LOC400499: variants seen among roughly 807,000 people sequenced by gnomAD.
chr16:11,459,737 G>C, the LOC400499 span, among the ~76,000 whole-genome samples: 4 of 152,244 alleles, frequency 2.6e-5, no homozygotes, highest in Non-Finnish European at 5.9e-5. Flanking sequence ...GGGACATGGG[G>C]TCATGGGGCT....
the LOC400499 span, among the ~76,000 whole-genome samples, chr16:11,507,117 T>C: frequency 6.6e-6 from 1 of 152,116 alleles, no homozygotes; most frequent in South Asian, 2.1e-4. Context: ...CCAGGGGAAA[T>C]GTCCAGTTAG....
At chr16:11,438,403 T>C in the LOC400499 span, among the ~76,000 whole-genome samples, 1 of 151,940 alleles carries the variant, frequency 6.6e-6, no homozygotes, top group African/African-American at 2.4e-5. Context: ...GTTCCCTCCA[T>C]TCAGAGCCAT....
the LOC400499 span, chr16:11,501,958 G>A: frequency 4.8e-5 from 19 of 395,336 alleles, no homozygotes; most frequent in South Asian, 2.8e-4. Flanking sequence ...TCAAGGGGAC[G>A]GGATGACGCA....
the LOC400499 span, among the ~76,000 whole-genome samples, chr16:11,379,855 C>T: frequency 1.3e-5 from 2 of 152,222 alleles, no homozygotes; most frequent in Non-Finnish European, 2.9e-5. Flanking sequence ...TTACACGAAA[C>T]ATCCTGAAGT....
chr16:11,502,597 T>A, the LOC400499 span, among the ~76,000 whole-genome samples: 35 of 152,090 alleles, frequency 2.3e-4, no homozygotes, highest in Non-Finnish European at 2.9e-5. Flanking sequence ...GGCAATCTTT[T>A]CCTACATAAT....
At chr16:11,500,781 C>A in the LOC400499 span, 1 of 399,126 alleles carries the variant, frequency 2.5e-6, no homozygotes, top group Non-Finnish European at 4.4e-6. Context: ...CACCGGGGCC[C>A]CGGGTGGGGT....
chr16:11,399,164 C>T, the LOC400499 span: 39 of 972,548 alleles, frequency 4.0e-5, no homozygotes, highest in South Asian at 9.5e-5. Flanking sequence ...CTCGGGGAAC[C>T]GGAGCTCCCG....
the LOC400499 span, among the ~76,000 whole-genome samples, chr16:11,457,653 G>GGT: frequency 6.6e-6 from 1 of 151,170 alleles, no homozygotes; most frequent in East Asian, 1.9e-4. Flanking sequence ...AACACTTCCA[G>GGT]GTATACATAC....
the LOC400499 span, chr16:11,387,099 G>A: frequency 1.6e-6 from 2 of 1,232,366 alleles, no homozygotes; most frequent in Non-Finnish European, 2.0e-6. Context: ...CACAGCCCGG[G>A]GCAGGACTCA....
the LOC400499 span, among the ~76,000 whole-genome samples, chr16:11,463,665 G>A: frequency 1.3e-5 from 2 of 152,126 alleles, no homozygotes; most frequent in African/African-American, 4.8e-5. Flanking sequence ...ATATGGATGT[G>A]TATGGATGTG....
chr16:11,471,703 G>T, the LOC400499 span: 1 of 399,150 alleles, frequency 2.5e-6, no homozygotes, highest in Non-Finnish European at 4.4e-6. Context: ...TCGGAGCCCC[G>T]GGTCCCGTTT....
the LOC400499 span, among the ~76,000 whole-genome samples, chr16:11,397,145 A>T: frequency 6.6e-6 from 1 of 152,180 alleles, no homozygotes; most frequent in Non-Finnish European, 1.5e-5. Context: ...TGTCTTTCAC[A>T]TCCACTCCCT....
chr16:11,453,549 C>T, the LOC400499 span, among the ~76,000 whole-genome samples: 1 of 151,914 alleles, frequency 6.6e-6, no homozygotes, highest in Non-Finnish European at 1.5e-5. Flanking sequence ...GGAACAACAA[C>T]AACAAAAAAG....
the LOC400499 span, among the ~76,000 whole-genome samples, chr16:11,496,999 T>G: frequency 6.6e-6 from 1 of 151,938 alleles, no homozygotes; most frequent in Non-Finnish European, 1.5e-5. Context: ...TGGGAAAGCC[T>G]GCCTCAGTGT....
At chr16:11,476,977 C>T in the LOC400499 span, 3 of 399,304 alleles carry the variant, frequency 7.5e-6, no homozygotes, top group Non-Finnish European at 8.8e-6. Context: ...AGCTGCATCC[C>T]GAGGGCCCTG....
chr16:11,384,872 TGGGGCCCAGACCCACCGTGCTGCCA>T, the LOC400499 span: 12 of 1,232,240 alleles, frequency 9.7e-6, no homozygotes, highest in Non-Finnish European at 1.0e-5. Context: ...CCAACCCTCC[TGGGGCCCAGACCCACCGTGCTGCCA>T]GAGGCCCAGA....
At chr16:11,420,814 G>A in the LOC400499 span, among the ~76,000 whole-genome samples, 3 of 152,134 alleles carry the variant, frequency 2.0e-5, no homozygotes, top group African/African-American at 7.2e-5. Context: ...CAGACCTGCT[G>A]AATCAAACCT....
chr16:11,527,470 G>A, the LOC400499 span, among the ~76,000 whole-genome samples: 3 of 152,178 alleles, frequency 2.0e-5, no homozygotes, highest in Non-Finnish European at 4.4e-5. Context: ...TCCTAGCCTT[G>A]TAAACAGAGA....
At chr16:11,474,090 C>G in the LOC400499 span, among the ~76,000 whole-genome samples, 5 of 152,228 alleles carry the variant, frequency 3.3e-5, no homozygotes, top group African/African-American at 1.2e-4. Flanking sequence ...AACTCCTGGA[C>G]TCAAGGAATC....
Sources: allele counts gnomAD v4.1 joint callset (sites outside exome capture counted in the v4.1 genomes callset), GRCh38; gene constraint gnomAD v4.1.1; transcripts MANE v1.5.